VIT: variants seen among roughly 807,000 people sequenced by gnomAD.
VIT encodes the protein vitrin.
In VIT, 99 loss-of-function variants were observed where a neutral mutation model predicts 78.0. That is an observed-to-expected ratio of 1.27 (90% CI 1.08 to 1.50). The LOEUF (loss-of-function observed/expected upper bound fraction) is 1.50. VIT is among the 40% of genes most tolerant of loss of function. The pLI is 0.00. For synonymous variants in VIT, 374 were observed against 334.3 expected (o/e 1.12, Z -1.29); for missense variants, 1,126 against 875.3 (o/e 1.29, Z -3.61).
chr2:36,703,995 G>T (rs1425682659), intron 1 of VIT, among the ~76,000 whole-genome samples: 3 of 145,558 alleles, frequency 2.1e-5, no homozygotes, highest in Non-Finnish European at 4.5e-5. Context: ...CACGATCTCG[G>T]CTCACTACAA....
chr2:36,784,359 G>T (rs1337564990), intron 11 of VIT, among the ~76,000 whole-genome samples: 5 of 152,170 alleles, frequency 3.3e-5, no homozygotes, highest in East Asian at 1.9e-4. Flanking sequence ...GTTCTCCCTA[G>T]ACCTTGCTAC....
chr2:36,786,066 A>T (rs1238225125), intron 11 of VIT, among the ~76,000 whole-genome samples: 1 of 152,180 alleles, frequency 6.6e-6, no homozygotes, highest in Non-Finnish European at 1.5e-5. Context: ...TGCAGATTAG[A>T]GAGGTGCAGG....
chr2:36,716,173 TG>T (rs1236216288), intron 1 of VIT, among the ~76,000 whole-genome samples, 179 bp from the exon 2 acceptor site: 2 of 152,208 alleles, frequency 1.3e-5, no homozygotes, highest in African/African-American at 4.8e-5. Context: ...ATAGCATCTC[TG>T]GGTACCAGCA....
At chr2:36,797,298 T>C (rs1665974510) in intron 12 of VIT, among the ~76,000 whole-genome samples, 2 of 152,190 alleles carry the variant, frequency 1.3e-5, no homozygotes, top group Admixed American at 1.3e-4. Context: ...GTGAAACACT[T>C]AGAGCCAACT....
intron 1 of VIT, among the ~76,000 whole-genome samples, chr2:36,703,462 C>T (rs569258856): frequency 6.6e-6 from 1 of 152,008 alleles, no homozygotes; most frequent in African/African-American, 2.4e-5. Flanking sequence ...AAACTAAGAC[C>T]AAAGGATCAT....
chr2:36,704,483 T>C (rs1665286182), intron 1 of VIT, among the ~76,000 whole-genome samples: 1 of 152,118 alleles, frequency 6.6e-6, no homozygotes, highest in Non-Finnish European at 1.5e-5. Context: ...CAGGCCAAAA[T>C]AGTCAGGGGG....
chr2:36,707,428 G>T (rs1665499018), intron 1 of VIT, among the ~76,000 whole-genome samples: 1 of 152,056 alleles, frequency 6.6e-6, no homozygotes, highest in Non-Finnish European at 1.5e-5. Context: ...CAGGCTTCAG[G>T]TCCTTCCATT....
intron 4 of VIT, among the ~76,000 whole-genome samples, chr2:36,747,325 A>G (rs1476258765): frequency 6.6e-6 from 1 of 152,140 alleles, no homozygotes; most frequent in Non-Finnish European, 1.5e-5. Flanking sequence ...AACTGATCAA[A>G]TGTTGAGTGT....
chr2:36,793,770 C>T (rs1249726660), intron 12 of VIT, among the ~76,000 whole-genome samples: 3 of 152,212 alleles, frequency 2.0e-5, no homozygotes, highest in Admixed American at 1.3e-4. Context: ...TATTTCTCTA[C>T]TGGCACAAAA....
chr2:36,770,170 A>C (rs953473494), intron 7 of VIT, among the ~76,000 whole-genome samples: 21 of 152,352 alleles, frequency 1.4e-4, no homozygotes, highest in Non-Finnish European at 2.4e-4. Flanking sequence ...TGGAATGCCC[A>C]CTATGTGTCA....
chr2:36,733,800 C>G (rs1249091428), intron 3 of VIT, among the ~76,000 whole-genome samples: 1 of 152,168 alleles, frequency 6.6e-6, no homozygotes, highest in Non-Finnish European at 1.5e-5. Context: ...TTATGTCTTA[C>G]GTCTTTTAGA....
At chr2:36,788,784 T>C (rs1665279021) in intron 12 of VIT, among the ~76,000 whole-genome samples, 1 of 152,196 alleles carries the variant, frequency 6.6e-6, no homozygotes, top group South Asian at 2.1e-4. Context: ...GCATTAAAAA[T>C]AGCTGCTTTA....
intron 9 of VIT, among the ~76,000 whole-genome samples, chr2:36,776,780 G>C (rs1016776354): frequency 6.6e-6 from 1 of 151,606 alleles, no homozygotes; most frequent in Admixed American, 6.6e-5. Context: ...AGGTCACAGA[G>C]TGAGACTCCA....
chr2:36,712,112 T>A (rs1328353381), intron 1 of VIT, among the ~76,000 whole-genome samples: 1 of 152,040 alleles, frequency 6.6e-6, no homozygotes, highest in Non-Finnish European at 1.5e-5. Context: ...GTGGCAGTCC[T>A]CATGCTCAGC....
intron 7 of VIT, among the ~76,000 whole-genome samples, chr2:36,767,683 G>T (rs1416295303): frequency 1.3e-5 from 2 of 152,200 alleles, no homozygotes; most frequent in East Asian, 3.9e-4. Context: ...GGAAAAGTCA[G>T]CTAATGTTTT....
intron 4 of VIT, among the ~76,000 whole-genome samples, chr2:36,752,480 G>A (rs1341584502): frequency 6.6e-6 from 1 of 152,204 alleles, no homozygotes; most frequent in Non-Finnish European, 1.5e-5. Context: ...GCACCATGCA[G>A]GGCACCTGAG....
chr2:36,743,500 C>A (rs1272753081), intron 4 of VIT, among the ~76,000 whole-genome samples: 2 of 152,120 alleles, frequency 1.3e-5, no homozygotes, highest in Non-Finnish European at 1.5e-5. Context: ...TTTCAGATGA[C>A]AAGTCTGTAT....
intron 4 of VIT, among the ~76,000 whole-genome samples, chr2:36,753,428 T>C (rs552590691): frequency 4.6e-5 from 7 of 152,342 alleles, no homozygotes; most frequent in African/African-American, 1.7e-4. Flanking sequence ...CCTTCTCATG[T>C]GGAAACATAA....
In VIT at chr2:36,814,376, G is replaced by C. The variant is rs748364122; in HGVS notation, c.*15G>C. 2 of 1,613,388 alleles carry C rather than the reference G, an allele frequency of 1.2e-6. No individual in the cohort carries two copies. The highest frequency in any genetic ancestry group is 2.2e-5 in the South Asian group (2 of 91,026). ...CTCGGAACTGAATTCAGAGCAGGCA[G>C]AGCACCAGCAAGTGCTGCTTTACTA... On this transcript the variant is annotated 3_prime_UTR_variant, in exon 16 of 16. Transcript: ENST00000379242.
Sources: gnomAD v4.1 joint callset for allele counts (sites outside exome capture counted in the v4.1 genomes callset) on GRCh38, gnomAD v4.1.1 for gene constraint, MANE v1.5 for transcripts, NCBI Gene and HGNC (gene_info 2026-07-23, HGNC 2026-07-21) for gene names.